INPP4B: variants seen among roughly 807,000 people sequenced by gnomAD.
The protein encoded by INPP4B is inositol polyphosphate 4-phosphatase type II.
A neutral mutation model predicts 122.5 loss-of-function variants in INPP4B; 55 were observed. The ratio of observed to expected loss-of-function variants is 0.45; its 90% CI spans 0.36 to 0.56. The LOEUF (loss-of-function observed/expected upper bound fraction) is 0.56, where lower values mean the gene tolerates loss of function less well. Ranked by LOEUF, INPP4B falls within the 20% of genes least tolerant of loss-of-function variation. INPP4B has a pLI of 0.00. For synonymous variants in INPP4B, 403 were observed against 388.7 expected (o/e 1.04, Z -0.43); for missense variants, 1,000 against 1,097.7 (o/e 0.91, Z 1.26).
At chr4:142,217,343 CA>C (rs1271014619) in intron 12 of INPP4B, among the ~76,000 whole-genome samples, 1 of 152,084 alleles carries the variant, frequency 6.6e-6, no homozygotes, top group Non-Finnish European at 1.5e-5. Flanking sequence ...TCTTTTTGTC[CA>C]ACCGCAGTCT....
intron 3 of INPP4B, among the ~76,000 whole-genome samples, chr4:142,440,738 A>C (rs1404525892): frequency 6.7e-6 from 1 of 148,562 alleles, no homozygotes; most frequent in African/African-American, 2.4e-5. Context: ...TTTTAAAATA[A>C]ATACATTTTA....
intron 2 of INPP4B, among the ~76,000 whole-genome samples, chr4:142,617,751 ATAGT>A (rs1312960486): frequency 1.3e-5 from 2 of 152,138 alleles, no homozygotes; most frequent in African/African-American, 2.4e-5. Flanking sequence ...CTGCTAAAAA[ATAGT>A]TACAATATAA....
intron 25 of INPP4B, among the ~76,000 whole-genome samples, chr4:142,061,834 G>A (rs996672313): frequency 3.2e-5 from 3 of 93,918 alleles, no homozygotes; most frequent in South Asian, 3.4e-4. Flanking sequence ...ATATATAAAT[G>A]CATATATGTA....
At chr4:142,321,996 C>T (rs931945037) in intron 7 of INPP4B, among the ~76,000 whole-genome samples, 2 of 152,094 alleles carry the variant, frequency 1.3e-5, no homozygotes, top group African/African-American at 4.8e-5. Flanking sequence ...ATGTATCAAG[C>T]ACATATTATG....
intron 10 of INPP4B, among the ~76,000 whole-genome samples, chr4:142,263,943 T>C (rs1741529865): frequency 6.6e-6 from 1 of 151,710 alleles, no homozygotes; most frequent in Admixed American, 6.6e-5. Flanking sequence ...AGGAAGACAA[T>C]GTGACTGGAC....
At chr4:142,493,993 T>A (rs1822204595) in intron 2 of INPP4B, among the ~76,000 whole-genome samples, 1 of 152,164 alleles carries the variant, frequency 6.6e-6, no homozygotes. Context: ...GTTACTTCCA[T>A]GCTGTTCTTG....
At chr4:142,176,861 T>C (rs2152961004) in intron 15 of INPP4B, among the ~76,000 whole-genome samples, 1 of 152,290 alleles carries the variant, frequency 6.6e-6, no homozygotes, top group Non-Finnish European at 1.5e-5. Context: ...ACAAGGACTC[T>C]CATAAAAGTT....
At chr4:142,788,435 T>C (rs560650085) in intron 1 of INPP4B, among the ~76,000 whole-genome samples, 3 of 152,224 alleles carry the variant, frequency 2.0e-5, no homozygotes, top group African/African-American at 7.2e-5. Flanking sequence ...GAATGGTCTT[T>C]AAGATATTAG....
At chr4:142,822,586 G>T (rs1780921716) in intron 1 of INPP4B, among the ~76,000 whole-genome samples, 1 of 151,826 alleles carries the variant, frequency 6.6e-6, no homozygotes, top group Admixed American at 6.6e-5. Context: ...GAAGGTCTGA[G>T]GTGGAACTGT....
chr4:142,626,254 A>C (rs924046869), intron 2 of INPP4B, among the ~76,000 whole-genome samples: 1 of 152,102 alleles, frequency 6.6e-6, no homozygotes, highest in Non-Finnish European at 1.5e-5. Flanking sequence ...ATGGACTATC[A>C]TCCCCATGGT....
intron 1 of INPP4B, among the ~76,000 whole-genome samples, chr4:142,845,021 A>G (rs898324415): frequency 6.6e-6 from 1 of 152,230 alleles, no homozygotes; most frequent in Non-Finnish European, 1.5e-5. Context: ...ATGACCTCAA[A>G]TAACATTCCA....
intron 23 of INPP4B, chr4:142,096,063 T>C (rs1781653368): frequency 6.6e-6 from 1 of 152,194 alleles, no homozygotes; most frequent in African/African-American, 2.4e-5. Context: ...AATGCAGGCA[T>C]TGAAAACACT....
intron 10 of INPP4B, among the ~76,000 whole-genome samples, chr4:142,260,794 C>T (rs1456118648): frequency 6.6e-6 from 1 of 152,050 alleles, no homozygotes; most frequent in Non-Finnish European, 1.5e-5. Context: ...AGAGGGTACT[C>T]AGGGAAAAAG....
At chr4:142,051,022 T>C (rs1359418770) in intron 25 of INPP4B, among the ~76,000 whole-genome samples, 1 of 152,078 alleles carries the variant, frequency 6.6e-6, no homozygotes, top group Non-Finnish European at 1.5e-5. Context: ...AGGAATTTTT[T>C]AAAATTTCTC....
chr4:142,767,001 C>A (rs1772245121), intron 1 of INPP4B: 1 of 152,124 alleles, frequency 6.6e-6, no homozygotes, highest in Non-Finnish European at 1.5e-5. Context: ...AAAACTGAGG[C>A]CCAGATTGGG....
intron 2 of INPP4B, among the ~76,000 whole-genome samples, chr4:142,614,947 T>C (rs909825331): frequency 5.9e-5 from 9 of 152,082 alleles, no homozygotes; most frequent in African/African-American, 1.9e-4. Context: ...TTGGTGGAAA[T>C]CTAAATTAGT....
intron 18 of INPP4B, among the ~76,000 whole-genome samples, chr4:142,132,033 G>GGTT (rs1801561938): frequency 6.6e-6 from 1 of 151,458 alleles, no homozygotes; most frequent in Non-Finnish European, 1.5e-5. Context: ...CCTCTATCTC[G>GGTT]GTTTCTCTGT....
intron 5 of INPP4B, among the ~76,000 whole-genome samples, chr4:142,407,118 C>A (rs1803592153): frequency 6.6e-6 from 1 of 152,174 alleles, no homozygotes; most frequent in Non-Finnish European, 1.5e-5. Context: ...TAGATTTTCA[C>A]TGTTCTTTGG....
intron 9 of INPP4B, among the ~76,000 whole-genome samples, chr4:142,298,330 G>A (rs1432216318): frequency 6.6e-6 from 1 of 152,100 alleles, no homozygotes; most frequent in Non-Finnish European, 1.5e-5. Flanking sequence ...TCAGTCTCCT[G>A]TCATGAAAGG....
Sources: allele counts gnomAD v4.1 joint callset (sites outside exome capture counted in the v4.1 genomes callset), GRCh38; gene constraint gnomAD v4.1.1; transcripts MANE v1.5; gene names NCBI Gene and HGNC (gene_info 2026-07-23, HGNC 2026-07-21).